KCNB2: variants seen among roughly 807,000 people sequenced by gnomAD.
KCNB2 encodes delayed rectifier potassium channel protein.
Under a neutral mutation model 61.5 loss-of-function variants are expected in KCNB2, and 15 were observed. The observed-to-expected ratio is 0.24, with a 90% CI of 0.16 to 0.38. The LOEUF is 0.38. Among genes scored for constraint, KCNB2 ranks in the 10% least tolerant of loss-of-function variants. KCNB2 has a pLI of 1.00. For synonymous variants in KCNB2, 457 were observed against 446.0 expected, an observed-to-expected ratio of 1.02 and a Z score of -0.31; for missense variants, 828 against 1,125.2, an observed-to-expected ratio of 0.74 and a Z score of 3.78.
chr8:72,787,723 C>T (rs1019433356), intron 2 of KCNB2, among the ~76,000 whole-genome samples: 16 of 152,068 alleles, frequency 1.1e-4, no homozygotes, highest in Non-Finnish European at 2.9e-5. Context: ...TGAGAGTTGC[C>T]TTGCCTCTTC....
chr8:72,762,618 T>G (rs1808399204), intron 2 of KCNB2, among the ~76,000 whole-genome samples: 1 of 152,050 alleles, frequency 6.6e-6, no homozygotes, highest in Non-Finnish European at 1.5e-5. Context: ...TCTTCATATG[T>G]AAAGTGAGGA....
rs542997297 is a variant in KCNB2, at chr8:72,808,716, A to G, written c.580-127219A>G. On this transcript the variant is annotated intron_variant, in intron 2 of 2. Transcript: ENST00000523207. Reference sequence around the variant, plus strand: ...TAGACAAAGATCCCATGTACTTGACATAGTGCCCCACCCCACCCCCAAGCC... The same window carrying G: ...TAGACAAAGATCCCATGTACTTGACGTAGTGCCCCACCCCACCCCCAAGCC... Among the ~76,000 whole-genome samples the G allele has an allele frequency of 7.2e-5, 11 of 152,294 alleles. No homozygotes were observed. The East Asian group carries it at 1.9e-3, about 27-fold the overall frequency.
At chr8:72,643,103 A>G (rs916254032) in intron 2 of KCNB2, among the ~76,000 whole-genome samples, 1 of 152,160 alleles carries the variant, frequency 6.6e-6, no homozygotes, top group East Asian at 1.9e-4. Flanking sequence ...GTATGCTCTC[A>G]TGGTGTTCCA....
intron 2 of KCNB2, among the ~76,000 whole-genome samples, chr8:72,644,117 AAG>A (rs1210664818): frequency 1.3e-5 from 2 of 152,132 alleles, no homozygotes; most frequent in African/African-American, 2.4e-5. Flanking sequence ...TGTTCTTTGA[AAG>A]AGAGTTTTGT....
chr8:72,561,712 T>C (rs1274759067), intron 1 of KCNB2, among the ~76,000 whole-genome samples: 440 of 23,068 alleles, frequency 0.019, 36 homozygotes, highest in African/African-American at 0.16. Flanking sequence ...TATATATATA[T>C]ATATATATAT....
intron 1 of KCNB2, among the ~76,000 whole-genome samples, chr8:72,563,115 A>G (rs1324727908): frequency 2.0e-5 from 3 of 152,206 alleles, no homozygotes; most frequent in African/African-American, 7.2e-5. Flanking sequence ...TGAAATATGA[A>G]AACCACCTTC....
intron 2 of KCNB2, among the ~76,000 whole-genome samples, chr8:72,574,464 A>G (rs1806765148): frequency 6.6e-6 from 1 of 152,194 alleles, no homozygotes; most frequent in South Asian, 2.1e-4. Context: ...CAGTTTGCAC[A>G]ATGAACTAAG....
intron 2 of KCNB2, among the ~76,000 whole-genome samples, chr8:72,862,210 T>C (rs1440781987): frequency 6.6e-6 from 1 of 152,164 alleles, no homozygotes; most frequent in Non-Finnish European, 1.5e-5. Flanking sequence ...CACTAGCAAT[T>C]TGAAACTCAA....
chr8:72,733,565 T>A (rs1311129687), intron 2 of KCNB2, among the ~76,000 whole-genome samples: 3 of 152,194 alleles, frequency 2.0e-5, no homozygotes, highest in African/African-American at 7.2e-5. Flanking sequence ...GGGATTATAA[T>A]GACTGTAATA....
intron 2 of KCNB2, among the ~76,000 whole-genome samples, chr8:72,781,778 G>C (rs543672144): frequency 5.3e-5 from 8 of 152,194 alleles, no homozygotes; most frequent in African/African-American, 1.9e-4. Context: ...ATACTATGCA[G>C]CCATAAAAAG....
At chr8:72,777,723 A>G (rs992741367) in intron 2 of KCNB2, among the ~76,000 whole-genome samples, 2 of 152,122 alleles carry the variant, frequency 1.3e-5, no homozygotes, top group African/African-American at 4.8e-5. Flanking sequence ...TACTTCTTAC[A>G]CTCAGGTTTA....
At chr8:72,672,870 T>C (rs1241346821) in intron 2 of KCNB2, among the ~76,000 whole-genome samples, 1 of 152,138 alleles carries the variant, frequency 6.6e-6, no homozygotes, top group Non-Finnish European at 1.5e-5. Flanking sequence ...TAATTAGTAG[T>C]AGTATAAAAA....
intron 2 of KCNB2, among the ~76,000 whole-genome samples, chr8:72,647,585 CAG>C (rs1263281249): frequency 6.6e-6 from 1 of 151,972 alleles, no homozygotes; most frequent in Non-Finnish European, 1.5e-5. Context: ...GTGGTGAAAA[CAG>C]ATTTTATTCA....
At chr8:72,828,598 G>T (rs894331909) in intron 2 of KCNB2, among the ~76,000 whole-genome samples, 2 of 152,164 alleles carry the variant, frequency 1.3e-5, no homozygotes, top group African/African-American at 4.8e-5. Flanking sequence ...CCATCTGTTT[G>T]CTCTTTCTAT....
intron 2 of KCNB2, among the ~76,000 whole-genome samples, chr8:72,602,968 C>T (rs187286332): frequency 0.015 from 2,220 of 150,634 alleles, 44 homozygotes; most frequent in African/African-American, 0.052. Flanking sequence ...AAAAAAAAGG[C>T]GGCATGCCCG....
At chr8:72,908,986 G>A (rs942086556) in intron 2 of KCNB2, among the ~76,000 whole-genome samples, 1 of 152,184 alleles carries the variant, frequency 6.6e-6, no homozygotes, top group African/African-American at 2.4e-5. Flanking sequence ...GACAGTTTCA[G>A]CAAGATTGGA....
At chr8:72,752,271 A>G (rs993607854) in intron 2 of KCNB2, among the ~76,000 whole-genome samples, 3 of 152,204 alleles carry the variant, frequency 2.0e-5, no homozygotes, top group Admixed American at 2.0e-4. Flanking sequence ...AGAAGCTATG[A>G]TAGTTAATTT....
At chr8:72,794,396 C>T (rs1012403830) in intron 2 of KCNB2, among the ~76,000 whole-genome samples, 1 of 151,910 alleles carries the variant, frequency 6.6e-6, no homozygotes, top group African/African-American at 2.4e-5. Flanking sequence ...GAAACCCCGT[C>T]TCTACTAAAA....
Position 72,561,779 on chromosome 8 carries a change from A to ACG in KCNB2, c.-93-5863_-93-5862insCG, listed in dbSNP as rs1368648723. 1.3e-3 allele frequency among the ~76,000 whole-genome samples: 13 copies of ACG among 10,304 alleles called. 1 individual carries two copies. The highest frequency in any genetic ancestry group is 4.2e-3 in the African/African-American group (9 of 2,144). 6.8% of individuals were successfully genotyped at this position (10,304 alleles called of 152,430 possible). ...TATATATGGATATATATATATATGG[A>ACG]TATATATATACATATATATATATAT... On this transcript the variant is annotated intron_variant, in intron 1 of 2. Coordinates refer to ENST00000523207, the MANE Select transcript of KCNB2 (RefSeq NM_004770.3).
Sources: allele counts gnomAD v4.1 joint callset (sites outside exome capture counted in the v4.1 genomes callset), GRCh38; gene constraint gnomAD v4.1.1; transcripts MANE v1.5; gene names NCBI Gene and HGNC (gene_info 2026-07-23, HGNC 2026-07-21).